The following PTPRN variants were observed in gnomAD, a reference collection of about 807,000 sequenced individuals.
The protein encoded by PTPRN is receptor-type tyrosine-protein phosphatase-like N.
A neutral mutation model predicts 108.5 loss-of-function variants in PTPRN; 70 were observed. The ratio of observed to expected loss-of-function variants is 0.65; its 90% CI spans 0.53 to 0.79. PTPRN has a LOEUF of 0.79. Among genes scored for constraint, PTPRN ranks in the 30% least tolerant of loss-of-function variants. The pLI is 0.00. For synonymous variants in PTPRN, 496 were observed against 524.6 expected (o/e 0.95, Z 0.75); for missense variants, 1,136 against 1,295.5 (o/e 0.88, Z 1.89).
chr2:219,300,213 G>T lies in PTPRN; in HGVS notation c.1208C>A (p.Ala403Asp). The T allele has an allele frequency of 6.2e-7, 1 of 1,602,136 alleles. No individual in the cohort carries two copies. Among genetic ancestry groups the T allele is most frequent in the Non-Finnish European group, 8.5e-7 (1 of 1,173,316 alleles). ...GTGTCCAGGCATGGGGGATGTGCGG[G>T]CTGGAAGCTCTGCTGTGTCTCTGCC... ...VEGRDTAELP[A>D]RTSPMPGHPT... The change falls in exon 9 of 23, where the codon GCC becomes GAC. Residue 403 changes from alanine to aspartate, a missense_variant. Coordinates refer to ENST00000295718, the MANE Select transcript of PTPRN (RefSeq NM_002846.4).
chr2:219,295,957 CT>C, intron 18 of PTPRN: 1 of 398,768 alleles, frequency 2.5e-6, no homozygotes, highest in South Asian at 3.9e-5. Flanking sequence ...TCTATGAACG[CT>C]TTTTGACTCT....
chr2:219,301,342 C>T (rs192118873), intron 7 of PTPRN, among the ~76,000 whole-genome samples: 10 of 152,320 alleles, frequency 6.6e-5, no homozygotes, highest in Admixed American at 6.5e-4. Flanking sequence ...TTTCCCTGCT[C>T]ACACCCTCTG....
chr2:219,307,617 G>C, intron 2 of PTPRN, 60 bp from the exon 3 acceptor site: 1 of 1,514,034 alleles, frequency 6.6e-7, no homozygotes, highest in Non-Finnish European at 9.1e-7. Context: ...CAAAGTCCAG[G>C]TTGCAAATGG....
rs1271587451 is a variant in PTPRN, at chr2:219,290,470, TG to T, written c.2868+67del. 8 of 1,475,180 alleles carry T rather than the reference TG, an allele frequency of 5.4e-6. No homozygotes were observed. The highest frequency in any genetic ancestry group is 2.8e-5 in the African/African-American group (2 of 71,054). 91.4% of individuals were successfully genotyped at this position (1,475,180 alleles called of 1,614,324 possible). ...AAAGGTTGGCAGCTGCTGCTTTCCC[TG>T]GGGTGGCCAAGAAGTGGGTGCTAGG... is the stretch of plus-strand genomic sequence containing the variant. On this transcript the variant is annotated intron_variant, in intron 22 of 22. Coordinates refer to ENST00000295718, the MANE Select transcript of PTPRN (RefSeq NM_002846.4). This position sits in a 1 kb window ranked among gnomAD's most constrained non-coding sequence, Gnocchi z 4.2.
intron 19 of PTPRN, among the ~76,000 whole-genome samples, chr2:219,293,279 TAA>T (rs1040816305): frequency 5.3e-5 from 8 of 152,038 alleles, no homozygotes; most frequent in African/African-American, 1.4e-4. Context: ...CTCCCAGGTT[TAA>T]GAGATTCTCC....
chr2:219,304,324 G>A (rs1484414599), intron 3 of PTPRN, among the ~76,000 whole-genome samples: 1 of 152,132 alleles, frequency 6.6e-6, no homozygotes, highest in Non-Finnish European at 1.5e-5. Flanking sequence ...GGGGGCTGTT[G>A]TGAAGATCAA....
intron 4 of PTPRN, 74 bp downstream of exon 4, chr2:219,303,661 T>C: frequency 1.4e-6 from 2 of 1,426,386 alleles, no homozygotes; most frequent in South Asian, 2.4e-5. Context: ...TCCTTCCCCT[T>C]CTCTCCATCA....
Position 219,302,296 on chromosome 2 carries a change from G to T in PTPRN, c.835C>A (p.Leu279Ile), listed in dbSNP as rs1477149118. Residue 279 changes from leucine (L) to isoleucine (I), a missense_variant, in exon 6 of 23, where the codon CTC (leucine) becomes ATC (isoleucine). By Grantham distance (5) the Leu-to-Ile change is conservative. Transcript: ENST00000295718. ...GCTGGCAACTCCTGGGCCAGATAGA[G>T]CAGCCCAGAGTCTTGAAAAAGCTGG... ...PAQLFQDSGL[L>I]YLAQELPAPS... 1 of 1,613,984 alleles carries T rather than the reference G, an allele frequency of 6.2e-7. No homozygotes were observed. The highest frequency in any genetic ancestry group is 8.5e-7 in the Non-Finnish European group (1 of 1,179,988).
At chr2:219,298,418 T>C (rs904237800) in intron 12 of PTPRN, among the ~76,000 whole-genome samples, 1 of 152,112 alleles carries the variant, frequency 6.6e-6, no homozygotes. Flanking sequence ...GTATTTTGAG[T>C]ATAGGCCGGG....
Position 219,296,385 on chromosome 2 carries a change from C to A in PTPRN, c.2389-40G>T, listed in dbSNP as rs1417802409. On this transcript the variant is annotated intron_variant, in intron 17 of 22. Coordinates refer to ENST00000295718, the MANE Select transcript of PTPRN (RefSeq NM_002846.4). The surrounding 1 kb of genome is among the most constrained non-coding windows in gnomAD (Gnocchi z 6.0). The stretch of plus-strand genomic sequence containing the variant: ...CCAGTTGAGCTCCACTCTAACCTCC[C>A]TGGGACCTCGTGGCCACAAGGACCC... 1 of 1,614,034 alleles carries A rather than the reference C, an allele frequency of 6.2e-7. No individual in the cohort carries two copies. Among genetic ancestry groups the A allele is most frequent in the Admixed American group, 1.7e-5 (1 of 60,004 alleles).
In PTPRN at chr2:219,300,236, G is replaced by T; in HGVS notation, c.1185C>A (p.Gly395=). Reference sequence around the variant, plus strand: ...GGGCTGGAAGCTCTGCTGTGTCTCTGCCCTCCACCGGCCCCTCCATTGTCT... The same window carrying T: ...GGGCTGGAAGCTCTGCTGTGTCTCTTCCCTCCACCGGCCCCTCCATTGTCT... ...IKKTMEGPVE[G]RDTAELPART... is the part of the protein sequence containing the mutation. The change falls in exon 9 of 23, where the codon GGC becomes GGA. Residue 395 remains glycine, a synonymous_variant. Transcript: ENST00000295718. 1.9e-6 allele frequency: 3 copies of T among 1,581,130 alleles called. No individual in the cohort carries two copies. Among genetic ancestry groups the T allele is most frequent in the Non-Finnish European group, 2.6e-6 (3 of 1,161,950 alleles).
intron 3 of PTPRN, among the ~76,000 whole-genome samples, chr2:219,304,624 A>G (rs912490718): frequency 2.6e-5 from 4 of 152,120 alleles, no homozygotes; most frequent in Non-Finnish European, 5.9e-5. Flanking sequence ...TCTGGTATCT[A>G]CCAACATCCA....
At position 219,296,695 on chromosome 2, in the gene PTPRN, T is replaced by C; in HGVS notation, c.2310+54A>G. The C allele has an allele frequency of 6.2e-7, 1 of 1,601,250 alleles. No individual in the cohort carries two copies. The stretch of plus-strand genomic sequence containing the variant: ...GGTGACCACGGGGAAATGGAGTGCA[T>C]AGGGCCAGGATAATGATGGGGCAGA... On this transcript the variant is annotated intron_variant, in intron 16 of 22. Coordinates refer to ENST00000295718, the MANE Select transcript of PTPRN (RefSeq NM_002846.4). The surrounding 1 kb of genome is among the most constrained non-coding windows in gnomAD (Gnocchi z 6.0).
At position 219,299,634 on chromosome 2, in the gene PTPRN, A is replaced by G. The variant is rs1178694416; in HGVS notation, c.1523+66T>C. ...TGCTCTTCCTCCCGCAGGCCCCTCC[A>G]GCCACCTCCTTGCTCAAGCTGCTTT... On this transcript the variant is annotated intron_variant, in intron 10 of 22. Transcript: ENST00000295718. The G allele has an allele frequency of 2.1e-5, 31 of 1,462,116 alleles. 1 individual carries two copies. The highest frequency in any genetic ancestry group is 2.9e-5 in the Non-Finnish European group (31 of 1,066,292). 90.6% of individuals were successfully genotyped at this position (1,462,116 alleles called of 1,614,324 possible).
chr2:219,290,049 C>G lies in PTPRN; in HGVS notation c.*177G>C. ...CCTGGGCTCTGGGATGCCCCAGGCTCTGGCATGCGAGGCTGGGCAGGCGTG... is the reference window on the plus strand; with the variant it reads ...CCTGGGCTCTGGGATGCCCCAGGCTGTGGCATGCGAGGCTGGGCAGGCGTG... On this transcript the variant is annotated 3_prime_UTR_variant, in exon 23 of 23. Transcript: ENST00000295718. This position sits in a 1 kb window ranked among gnomAD's most constrained non-coding sequence, Gnocchi z 4.2. The G allele has an allele frequency of 1.6e-6, 1 of 635,700 alleles. No homozygotes were observed. The highest frequency in any genetic ancestry group is 2.8e-5 in the Admixed American group (1 of 35,394). The allele number at this position is 635,700 out of a possible 1,614,324, so 39.4% of individuals were successfully genotyped here.
chr2:219,299,852 G>T, intron 9 of PTPRN, 66 bp from the exon 10 acceptor site: 2 of 1,552,660 alleles, frequency 1.3e-6, no homozygotes, highest in Non-Finnish European at 1.8e-6. Context: ...CTTAAAACAG[G>T]CCACTCCAGG....
intron 4 of PTPRN, 77 bp from the exon 5 acceptor site, chr2:219,302,914 G>A: frequency 1.3e-6 from 2 of 1,516,430 alleles, no homozygotes; most frequent in Non-Finnish European, 1.8e-6. Context: ...ACTATTCGGG[G>A]CCAGGCAGGC....
Position 219,296,463 on chromosome 2 carries a change from G to A in PTPRN, c.2364C>T (p.Ser788=). 6.2e-7 allele frequency: 1 copy of A among 1,614,188 alleles called. No individual in the cohort carries two copies. The highest frequency in any genetic ancestry group is 2.2e-5 in the East Asian group (1 of 44,882). The change falls in exon 17 of 23, where the codon TCC becomes TCT. Residue 788 remains serine (S), a synonymous_variant. Coordinates refer to ENST00000295718, the MANE Select transcript of PTPRN (RefSeq NM_002846.4). This position sits in a 1 kb window ranked among gnomAD's most constrained non-coding sequence, Gnocchi z 6.0. Reference sequence around the variant, plus strand: ...CCTGCCAGAAGTCTGCGATGGTATGGGACAGCGGGCCCTGCGTGGCTATGT... The same window carrying A: ...CCTGCCAGAAGTCTGCGATGGTATGAGACAGCGGGCCCTGCGTGGCTATGT... ...PAYIATQGPL[S]HTIADFWQMV...
Position 219,290,162 on chromosome 2 carries a change from C to T in PTPRN, c.*64G>A. On this transcript the variant is annotated 3_prime_UTR_variant, in exon 23 of 23. Coordinates refer to ENST00000295718, the MANE Select transcript of PTPRN (RefSeq NM_002846.4). This position sits in a 1 kb window ranked among gnomAD's most constrained non-coding sequence, Gnocchi z 4.2. ...GGTGGGGCAGTGAGGAGTGGGTACA[C>T]AGAGATGCTCACACAGGCAAAGAGG... 6.9e-7 allele frequency: 1 copy of T among 1,448,324 alleles called. No individual in the cohort carries two copies. Among genetic ancestry groups the T allele is most frequent in the Non-Finnish European group, 9.7e-7 (1 of 1,030,748 alleles). The allele number at this position is 1,448,324 out of a possible 1,614,324, so 89.7% of individuals were successfully genotyped here.
Sources: gnomAD v4.1 joint callset for allele counts (sites outside exome capture counted in the v4.1 genomes callset) on GRCh38, gnomAD v4.1.1 for gene constraint, Gnocchi (gnomAD v3.1) non-coding constraint, MANE v1.5 for transcripts, NCBI Gene and HGNC (gene_info 2026-07-23, HGNC 2026-07-21) for gene names.